The following FKBP15 variants were observed in gnomAD, a reference collection of about 807,000 sequenced individuals.
FKBP15 encodes the protein FKBP prolyl isomerase family member 15, also known as FK506-binding protein 15.
A neutral mutation model predicts 158.1 loss-of-function variants in FKBP15; 106 were observed. The ratio of observed to expected loss-of-function variants is 0.67; its 90% CI spans 0.57 to 0.79. FKBP15 has a LOEUF of 0.79. Among genes scored for constraint, FKBP15 ranks in the 30% least tolerant of loss-of-function variants. FKBP15 has a pLI of 0.00. For synonymous variants in FKBP15, 547 were observed against 548.6 expected (o/e 1.00, Z 0.04); for missense variants, 1,287 against 1,479.1 (o/e 0.87, Z 2.13).
chr9:113,200,442 T>C lies in FKBP15; in HGVS notation c.499-479A>G, dbSNP rs144519459. Among the ~76,000 whole-genome samples, 93 of 152,344 alleles carry C rather than the reference T, an allele frequency of 6.1e-4. 1 individual carries two copies. The East Asian group carries it at 0.015, about 25-fold the overall frequency. On this transcript the variant is annotated intron_variant, in intron 6 of 27. Coordinates refer to ENST00000238256, the MANE Select transcript of FKBP15 (RefSeq NM_015258.2). The stretch of plus-strand genomic sequence containing the variant: ...AACGTCAGAAGGCACTTCTAAAGAC[T>C]GCAGTAGAAAGAAGGGCATTTAAAA...
chr9:113,187,092 G>A (rs1830498352), intron 14 of FKBP15: 1 of 152,336 alleles, frequency 6.6e-6, no homozygotes, highest in Admixed American at 6.5e-5. Context: ...CTACAGCATA[G>A]TAATTCTCCA....
intron 20 of FKBP15, among the ~76,000 whole-genome samples, chr9:113,177,697 T>C (rs796079921): frequency 2.0e-5 from 3 of 152,310 alleles, no homozygotes; most frequent in East Asian, 1.9e-4. Flanking sequence ...ATTGACATCA[T>C]TGTTTTTTAG....
intron 1 of FKBP15, among the ~76,000 whole-genome samples, chr9:113,217,447 T>C (rs963741741): frequency 6.6e-6 from 1 of 151,676 alleles, no homozygotes; most frequent in African/African-American, 2.4e-5. Context: ...CCTGACCTCA[T>C]GATCCACCTG....
At position 113,169,452 on chromosome 9, in the gene FKBP15, T is replaced by C; in HGVS notation, c.3257A>G (p.Asp1086Gly). The change falls in exon 26 of 28, where the codon GAT (aspartate) becomes GGT (glycine). Residue 1086 changes from aspartate to glycine, a missense_variant. Physicochemically the swap from Asp to Gly is moderately conservative, Grantham distance 94. Coordinates refer to ENST00000238256, the MANE Select transcript of FKBP15 (RefSeq NM_015258.2). ...GKVCVREVAP[D>G]GPLQESSTRL... ...TGTGGAGCTTTCTTGTAGTGGGCCA[T>C]CTGGTGCTACTTCCCTGACACAGAC... 1 of 1,614,046 alleles carries C rather than the reference T, an allele frequency of 6.2e-7. No homozygotes were observed. The highest frequency in any genetic ancestry group is 1.6e-4 in the Middle Eastern group (1 of 6,062).
At chr9:113,200,389 C>T (rs1830765318) in intron 6 of FKBP15, among the ~76,000 whole-genome samples, 1 of 151,966 alleles carries the variant, frequency 6.6e-6, no homozygotes, top group Admixed American at 6.6e-5. Context: ...TGTTTGGGAA[C>T]CTAGGAAAGA....
At chr9:113,215,396 C>T (rs548900663) in intron 1 of FKBP15, among the ~76,000 whole-genome samples, 40 of 150,920 alleles carry the variant, frequency 2.7e-4, no homozygotes, top group African/African-American at 9.0e-4. Context: ...TAGAGAACTG[C>T]CAGTCAGTGG....
intron 15 of FKBP15, 87 bp downstream of exon 15, chr9:113,186,162 G>C (rs1216508388): frequency 5.9e-6 from 5 of 851,956 alleles, no homozygotes; most frequent in Non-Finnish European, 9.7e-6. Context: ...TGAGTAGAGA[G>C]CTGTTGGTGT....
intron 2 of FKBP15, among the ~76,000 whole-genome samples, chr9:113,210,908 A>T (rs964995408): frequency 8.5e-5 from 13 of 152,152 alleles, no homozygotes; most frequent in African/African-American, 3.1e-4. Flanking sequence ...GACTTACACT[A>T]GCGGTTGGCC....
intron 11 of FKBP15, 140 bp downstream of exon 11, chr9:113,193,352 T>TA: frequency 4.0e-6 from 2 of 500,860 alleles, no homozygotes; most frequent in Non-Finnish European, 6.8e-6. Flanking sequence ...TTTTTTTTTT[T>TA]AAAGGAGAGA....
At position 113,162,666 on chromosome 9, in the gene FKBP15, G is replaced by C. The variant is rs977982652; in HGVS notation, c.*3412C>G. 8 of 1,319,610 alleles carry C rather than the reference G, an allele frequency of 6.1e-6. No homozygotes were observed. In the Admixed American group the frequency reaches 7.8e-5, roughly 13 times the overall value. 81.7% of individuals were successfully genotyped at this position (1,319,610 alleles called of 1,614,324 possible). A position where few individuals can be genotyped will look rare whatever the true frequency, so the allele number is the denominator to read the frequency against. ...ATCAATCGGGTCACGTAACTCAACA[G>C]CTTTCTACTCCCTGATATCTACTCC... On this transcript the variant is annotated 3_prime_UTR_variant, in exon 28 of 28. Transcript: ENST00000238256.
At chr9:113,178,826 C>A in intron 19 of FKBP15, 25 bp from the exon 20 acceptor site, 1 of 1,579,558 alleles carries the variant, frequency 6.3e-7, no homozygotes, top group Non-Finnish European at 8.6e-7. Flanking sequence ...AGTATGATGT[C>A]ACTTTAAACA....
chr9:113,173,912 C>T (rs1380554995), intron 22 of FKBP15, among the ~76,000 whole-genome samples: 1 of 152,060 alleles, frequency 6.6e-6, no homozygotes, highest in Non-Finnish European at 1.5e-5. Flanking sequence ...GGTTCAGAAA[C>T]TTTTTTTCAC....
At position 113,185,528 on chromosome 9, in the gene FKBP15, C is replaced by T. The variant is rs192646651; in HGVS notation, c.1498+721G>A. Among the ~76,000 whole-genome samples, 175 of 152,318 alleles carry T rather than the reference C, an allele frequency of 1.1e-3. 2 individuals are homozygous for T. Among genetic ancestry groups the T allele is most frequent in the Non-Finnish European group, 7.1e-4 (48 of 68,028 alleles). ...GCAGGACATACTGGCTTCTTCCTAC[C>T]ACTGTCCTAATACCAAAGCTGATTA... On this transcript the variant is annotated intron_variant, in intron 15 of 27. Transcript: ENST00000238256.
At chr9:113,217,667 A>G (rs1380094527) in intron 1 of FKBP15, among the ~76,000 whole-genome samples, 1 of 151,904 alleles carries the variant, frequency 6.6e-6, no homozygotes, top group Non-Finnish European at 1.5e-5. Context: ...TATAGCAAGA[A>G]CCCATCTTTA....
At chr9:113,187,708 T>C (rs779914293) in intron 14 of FKBP15, 85 bp downstream of exon 14, 36 of 1,101,832 alleles carry the variant, frequency 3.3e-5, no homozygotes, top group Admixed American at 4.2e-5. Flanking sequence ...ACTGCTACTG[T>C]ATGAAATGTA....
In FKBP15 at chr9:113,162,125, G is replaced by A. The variant is rs959790295; in HGVS notation, c.*3953C>T. On this transcript the variant is annotated 3_prime_UTR_variant, in exon 28 of 28. Coordinates refer to ENST00000238256, the MANE Select transcript of FKBP15 (RefSeq NM_015258.2). ...GCTCTCCTCTCCTCCCTTCCCACTC[G>A]AATCAGGCAACCATTTAGGGTCCCT... 11 of 331,980 alleles carry A rather than the reference G, an allele frequency of 3.3e-5. No individual in the cohort carries two copies. The highest frequency in any genetic ancestry group is 1.3e-4 in the African/African-American group (6 of 45,842). The allele number at this position is 331,980 out of a possible 1,614,324, so 20.6% of individuals were successfully genotyped here. A position where few individuals can be genotyped will look rare whatever the true frequency, so the allele number is the denominator to read the frequency against.
intron 4 of FKBP15, among the ~76,000 whole-genome samples, chr9:113,203,657 A>T (rs927807125): frequency 6.6e-6 from 1 of 151,878 alleles, no homozygotes; most frequent in Non-Finnish European, 1.5e-5. Context: ...GCTCCCGAGC[A>T]GCTGAGACTA....
chr9:113,195,792 T>C (rs1379802935), intron 9 of FKBP15, among the ~76,000 whole-genome samples: 2 of 152,190 alleles, frequency 1.3e-5, no homozygotes, highest in South Asian at 4.1e-4. Context: ...ATTTGTTGCA[T>C]AGAAACTATA....
intron 24 of FKBP15, among the ~76,000 whole-genome samples, chr9:113,171,223 C>G (rs530630846): frequency 6.6e-6 from 1 of 152,238 alleles, no homozygotes; most frequent in South Asian, 2.1e-4. Flanking sequence ...GTCAAGAGAC[C>G]GAGACCATCC....
Sources: gnomAD v4.1 joint callset for allele counts (sites outside exome capture counted in the v4.1 genomes callset) on GRCh38, gnomAD v4.1.1 for gene constraint, MANE v1.5 for transcripts, NCBI Gene and HGNC (gene_info 2026-07-23, HGNC 2026-07-21) for gene names.